CLSTN2: variants seen among roughly 807,000 people sequenced by gnomAD.
CLSTN2 encodes the protein calsyntenin 2, also known as calsyntenin-2.
CLSTN2 carries 48 observed loss-of-function variants against 101.2 expected under a neutral mutation model. The ratio of observed to expected loss-of-function variants is 0.47; its 90% CI spans 0.38 to 0.60. CLSTN2 has a LOEUF of 0.60. Among genes scored for constraint, CLSTN2 ranks in the 20% least tolerant of loss-of-function variants. The pLI is 0.00. For missense variants in CLSTN2, 1,160 were observed against 1,238.2 expected (o/e 0.94, Z 0.95); for synonymous variants, 481 against 463.6 (o/e 1.04, Z -0.48).
intron 1 of CLSTN2, among the ~76,000 whole-genome samples, chr3:139,999,738 C>T (rs1160721012): frequency 6.6e-6 from 1 of 152,142 alleles, no homozygotes; most frequent in Non-Finnish European, 1.5e-5. Flanking sequence ...TAACTTTCAT[C>T]AAGTACATTA....
At chr3:140,063,205 A>G (rs1353062945) in intron 1 of CLSTN2, among the ~76,000 whole-genome samples, 1 of 152,178 alleles carries the variant, frequency 6.6e-6, no homozygotes, top group African/African-American at 2.4e-5. Flanking sequence ...ATGCATAATG[A>G]AGGACATTCT....
At position 140,145,459 on chromosome 3, in the gene CLSTN2, G is replaced by A. The variant is rs1002051166; in HGVS notation, c.110-30492G>A. Among the ~76,000 whole-genome samples the A allele has an allele frequency of 3.3e-5, 5 of 152,378 alleles. No individual in the cohort carries two copies. In the East Asian group the frequency reaches 9.6e-4, roughly 29 times the overall value. ...AGTTGCTGAAAGGTCCATAGCTTCTGAAGGAAGTTATTGAGAGAAGTTCTC... is the reference window on the plus strand; with the variant it reads ...AGTTGCTGAAAGGTCCATAGCTTCTAAAGGAAGTTATTGAGAGAAGTTCTC... On this transcript the variant is annotated intron_variant, in intron 1 of 16. Transcript: ENST00000458420.
intron 2 of CLSTN2, among the ~76,000 whole-genome samples, chr3:140,312,023 T>C (rs2087173997): frequency 6.6e-6 from 1 of 152,212 alleles, no homozygotes; most frequent in Non-Finnish European, 1.5e-5. Flanking sequence ...CCTGGTTCTG[T>C]TTTCTGCAGT....
intron 9 of CLSTN2, among the ~76,000 whole-genome samples, chr3:140,535,636 T>A (rs1299063017): frequency 6.6e-6 from 1 of 152,250 alleles, no homozygotes; most frequent in African/African-American, 2.4e-5. Context: ...GTGCCTTATG[T>A]TGTTTCCTTA....
At chr3:140,511,816 T>C (rs1934821235) in intron 8 of CLSTN2, among the ~76,000 whole-genome samples, 1 of 151,892 alleles carries the variant, frequency 6.6e-6, no homozygotes, top group African/African-American at 2.4e-5. Flanking sequence ...CTCTGGACTT[T>C]TTAATATTAG....
rs573763269 is a variant in CLSTN2, at chr3:140,112,857, C to T, written c.110-63094C>T. 5.3e-5 allele frequency among the ~76,000 whole-genome samples: 8 copies of T among 152,210 alleles called. No homozygotes were observed. In the South Asian group the frequency reaches 1.0e-3, roughly 20 times the overall value. ...TGCTTTGCAAACATGCCTTTAGAGA[C>T]AGAGCATGAAAAAAACAGACCATAA... is the stretch of plus-strand genomic sequence containing the variant. On this transcript the variant is annotated intron_variant, in intron 1 of 16. Transcript: ENST00000458420.
At chr3:140,347,486 C>A (rs913423428) in intron 2 of CLSTN2, among the ~76,000 whole-genome samples, 1 of 152,226 alleles carries the variant, frequency 6.6e-6, no homozygotes, top group African/African-American at 2.4e-5. Context: ...CTGCTGTTTT[C>A]TGAGCAGGCA....
chr3:140,298,011 G>A (rs2087020469), intron 2 of CLSTN2, among the ~76,000 whole-genome samples: 1 of 152,182 alleles, frequency 6.6e-6, no homozygotes, highest in African/African-American at 2.4e-5. Context: ...AAAATTACTA[G>A]GCAAGCTATG....
At chr3:140,413,943 A>G (rs1410577220) in intron 4 of CLSTN2, among the ~76,000 whole-genome samples, 1 of 152,108 alleles carries the variant, frequency 6.6e-6, no homozygotes, top group East Asian at 1.9e-4. Flanking sequence ...CAAACATCAT[A>G]CTCCACGGTG....
intron 2 of CLSTN2, among the ~76,000 whole-genome samples, chr3:140,340,657 T>A (rs1198745532): frequency 6.6e-6 from 1 of 152,242 alleles, no homozygotes; most frequent in Non-Finnish European, 1.5e-5. Context: ...TGTGGTACAT[T>A]CGATATAATT....
intron 1 of CLSTN2, among the ~76,000 whole-genome samples, chr3:140,050,934 G>T (rs562919575): frequency 2.0e-5 from 3 of 152,216 alleles, no homozygotes; most frequent in Admixed American, 6.5e-5. Context: ...CTAAACAGGG[G>T]TAAACAAGGA....
intron 2 of CLSTN2, among the ~76,000 whole-genome samples, chr3:140,287,464 A>G (rs1288727358): frequency 6.6e-6 from 1 of 152,182 alleles, no homozygotes; most frequent in Non-Finnish European, 1.5e-5. Context: ...TGGTGATTTC[A>G]CTGTATATAC....
intron 1 of CLSTN2, among the ~76,000 whole-genome samples, chr3:140,151,559 C>T (rs1428135191): frequency 1.3e-5 from 2 of 152,008 alleles, no homozygotes; most frequent in African/African-American, 4.8e-5. Flanking sequence ...GTGGCTTGAT[C>T]TGGTCTGTGT....
chr3:140,237,763 T>C (rs1172612572), intron 2 of CLSTN2, among the ~76,000 whole-genome samples: 2 of 152,196 alleles, frequency 1.3e-5, no homozygotes, highest in Non-Finnish European at 2.9e-5. Flanking sequence ...TTCTGTTTTT[T>C]TAAGGCAGAA....
At chr3:140,043,068 G>T (rs552854739) in intron 1 of CLSTN2, among the ~76,000 whole-genome samples, 1 of 152,204 alleles carries the variant, frequency 6.6e-6, no homozygotes, top group East Asian at 1.9e-4. Context: ...CAAATGGTAT[G>T]TCTAGTTCTA....
intron 10 of CLSTN2, among the ~76,000 whole-genome samples, chr3:140,550,852 A>C (rs1278513624): frequency 1.3e-5 from 2 of 149,532 alleles, no homozygotes; most frequent in African/African-American, 2.6e-5. Context: ...TTGGTTATAA[A>C]GGCTTGGTTA....
At chr3:140,078,233 G>T (rs755757559) in intron 1 of CLSTN2, among the ~76,000 whole-genome samples, 1 of 152,222 alleles carries the variant, frequency 6.6e-6, no homozygotes, top group Non-Finnish European at 1.5e-5. Context: ...TTTCATTGGT[G>T]CTTGACTTAC....
intron 2 of CLSTN2, among the ~76,000 whole-genome samples, chr3:140,346,629 A>G (rs2087548778): frequency 6.6e-6 from 1 of 152,258 alleles, no homozygotes; most frequent in South Asian, 2.1e-4. Context: ...GGACAAAGTC[A>G]TTATTGATCC....
At chr3:140,529,286 C>T (rs990154253) in intron 8 of CLSTN2, among the ~76,000 whole-genome samples, 1 of 152,220 alleles carries the variant, frequency 6.6e-6, no homozygotes, top group African/African-American at 2.4e-5. Context: ...GCTGCAGCTG[C>T]CTGCCGTGGG....
Sources: allele counts gnomAD v4.1 joint callset (sites outside exome capture counted in the v4.1 genomes callset), GRCh38; gene constraint gnomAD v4.1.1; transcripts MANE v1.5; gene names NCBI Gene and HGNC (gene_info 2026-07-23, HGNC 2026-07-21).